Variants in LTBP4 observed in about 807,000 individuals in gnomAD.
The protein encoded by LTBP4 is latent-transforming growth factor beta-binding protein 4.
A neutral mutation model predicts 180.2 loss-of-function variants in LTBP4; 93 were observed. The observed-to-expected ratio is 0.52, with a 90% CI of 0.44 to 0.61. The LOEUF (loss-of-function observed/expected upper bound fraction) is 0.61, where lower values mean the gene tolerates loss of function less well. LTBP4 is among the 20% of genes least tolerant of loss of function. The pLI is 0.00. For missense variants in LTBP4, 2,116 were observed against 2,256.5 expected, an observed-to-expected ratio of 0.94 and a Z score of 1.26; for synonymous variants, 947 against 934.5, an observed-to-expected ratio of 1.01 and a Z score of -0.24.
chr19:40,625,271 TA>T (rs1568414286), intron 26 of LTBP4, among the ~76,000 whole-genome samples: 147 of 5,842 alleles, frequency 0.025, 34 homozygotes, highest in Admixed American at 0.039. Flanking sequence ...TATATATATA[TA>T]TATATATATA....
chr19:40,622,609 T>A lies in LTBP4; in HGVS notation c.3426T>A (p.Thr1142=). 6.2e-7 allele frequency: 1 copy of A among 1,612,590 alleles called. No individual in the cohort carries two copies. The highest frequency in any genetic ancestry group is 8.5e-7 in the Non-Finnish European group (1 of 1,179,284). ...RNVTWQECCC[T]VGEGWGSGCR... is the part of the protein sequence containing the mutation. ...TGACATGGCAGGAGTGCTGCTGTAC[T>A]GTGGGTGAGGGCTGGGGCAGCGGCT... The change falls in exon 23 of 30, where the codon ACT becomes ACA. Residue 1142 remains threonine, a synonymous_variant. Transcript: ENST00000396819. This position sits in a 1 kb window ranked among gnomAD's most constrained non-coding sequence, Gnocchi z 5.1.
rs958238783 is a variant in LTBP4 at position 40,629,513 on chromosome 19, A to G, written c.4637A>G (p.Gln1546Arg). 4.4e-6 allele frequency: 7 copies of G among 1,595,854 alleles called. No individual in the cohort carries two copies. Among genetic ancestry groups the G allele is most frequent in the East Asian group, 4.5e-5 (2 of 44,132 alleles). ...CGCCCGGGATTCGCACCCACGCACC[A>G]GCCGCACCACTGTGCGCCCGCACGG... The part of the protein sequence containing the change: ...ICRPGFAPTH[Q>R]PHHCAPARPR... Residue 1546 changes from glutamine (Q) to arginine (R), a missense_variant, in exon 30 of 30, where the codon CAG (glutamine) becomes CGG (arginine). Gln to Arg is a conservative substitution (Grantham distance 43). This residue lies in a region of LTBP4 where 488 missense variants were observed against 458.8 expected (regional missense o/e 1.06). Coordinates refer to ENST00000396819, the MANE Select transcript of LTBP4 (RefSeq NM_001042545.2). The surrounding 1 kb of genome is among the most constrained non-coding windows in gnomAD (Gnocchi z 4.5).
At position 40,605,901 on chromosome 19, in the gene LTBP4, C is replaced by T; in HGVS notation, c.793+70C>T. On this transcript the variant is annotated intron_variant, in intron 4 of 29. Transcript: ENST00000396819. The surrounding 1 kb of genome is among the most constrained non-coding windows in gnomAD (Gnocchi z 5.5). ...TGACAACCTCACCGTTCCTCCTACT[C>T]TGCCCTAGATAAACCCAGTTCACAA... 6.8e-7 allele frequency: 1 copy of T among 1,469,362 alleles called. No individual in the cohort carries two copies. The highest frequency in any genetic ancestry group is 9.2e-7 in the Non-Finnish European group (1 of 1,092,790). 91.0% of individuals were successfully genotyped at this position (1,469,362 alleles called of 1,614,324 possible). A position where few individuals can be genotyped will look rare whatever the true frequency, so the allele number is the denominator to read the frequency against.
chr19:40,602,234 C>G (rs2081429675), intron 1 of LTBP4, among the ~76,000 whole-genome samples: 1 of 149,702 alleles, frequency 6.7e-6, no homozygotes, highest in Non-Finnish European at 1.5e-5. Flanking sequence ...TTGCAGGGGT[C>G]CCACGTGCGA....
intron 19 of LTBP4, among the ~76,000 whole-genome samples, chr19:40,616,587 G>C (rs566104758): frequency 6.6e-4 from 100 of 152,280 alleles, no homozygotes; most frequent in African/African-American, 2.3e-3. Flanking sequence ...ACAAAAATTA[G>C]CTAGGCATGA....
chr19:40,625,279 TATATATATATATATATATATATATA>T lies in LTBP4; in HGVS notation c.3833-577_3833-553del, dbSNP rs2081619618. ...ATATATATATATATATATATATATA[TATATATATATATATATATATATATA>T]TATATATATATATTTTTTTTTTTAA... On this transcript the variant is annotated intron_variant, in intron 26 of 29. Coordinates refer to ENST00000396819, the MANE Select transcript of LTBP4 (RefSeq NM_001042545.2). 3.1e-3 allele frequency among the ~76,000 whole-genome samples: 30 copies of T among 9,642 alleles called. 3 individuals are homozygous for T. The highest frequency in any genetic ancestry group is 0.013 in the East Asian group (5 of 372). The allele number at this position is 9,642 out of a possible 152,430, so 6.3% of individuals were successfully genotyped here. A position where few individuals can be genotyped will look rare whatever the true frequency, so the allele number is the denominator to read the frequency against.
chr19:40,606,265 C>G lies in LTBP4; in HGVS notation c.826C>G (p.Pro276Ala). 6.3e-7 allele frequency: 1 copy of G among 1,598,786 alleles called. No homozygotes were observed. The highest frequency in any genetic ancestry group is 8.5e-7 in the Non-Finnish European group (1 of 1,172,646). The change falls in exon 5 of 30, where the codon CCT becomes GCT. Residue 276 changes from proline (P) to alanine (A), a missense_variant. This residue lies in a region of LTBP4 where 469 missense variants were observed against 532.5 expected (regional missense o/e 0.88). Coordinates refer to ENST00000396819, the MANE Select transcript of LTBP4 (RefSeq NM_001042545.2). ...NSERVSAPDGPCPTGFERVNG... is the reference protein window; with the variant it reads ...NSERVSAPDGACPTGFERVNG... The stretch of plus-strand genomic sequence containing the variant: ...CGAAAGAGTGAGCGCCCCAGATGGA[C>G]CTTGTCCAACCGGCTTTGAAAGAGT...
At chr19:40,593,836 C>G (rs757421884) in intron 1 of LTBP4, among the ~76,000 whole-genome samples, 1 of 151,692 alleles carries the variant, frequency 6.6e-6, no homozygotes, top group Non-Finnish European at 1.5e-5. Context: ...CTCTGTTGCC[C>G]GGGTTGGAGT....
Position 40,611,279 on chromosome 19 carries a change from G to T in LTBP4, c.1938G>T (p.Glu646Asp). The change falls in exon 13 of 30, where the codon GAG (glutamate) becomes GAT (aspartate). Residue 646 changes from glutamate to aspartate, a missense_variant. Coordinates refer to ENST00000396819, the MANE Select transcript of LTBP4 (RefSeq NM_001042545.2). This position sits in a 1 kb window ranked among gnomAD's most constrained non-coding sequence, Gnocchi z 4.4. Reference sequence around the variant, plus strand: ...CGGCGTGTGAAGAGGATGTGGATGAGTGTGCCCAGGAGCCGCCGCCCTGTG... The same window carrying T: ...CGGCGTGTGAAGAGGATGTGGATGATTGTGCCCAGGAGCCGCCGCCCTGTG... ...RGSACEEDVD[E>D]CAQEPPPCGP... 6.2e-7 allele frequency: 1 copy of T among 1,612,302 alleles called. No individual in the cohort carries two copies. Among genetic ancestry groups the T allele is most frequent in the Admixed American group, 1.7e-5 (1 of 59,712 alleles).
chr19:40,595,657 G>T (rs1321736313), intron 1 of LTBP4, among the ~76,000 whole-genome samples: 1 of 152,158 alleles, frequency 6.6e-6, no homozygotes, highest in East Asian at 1.9e-4. Flanking sequence ...CCTGTGGCTT[G>T]CAGCTCCTAG....
At chr19:40,619,958 G>C (rs77672669) in intron 22 of LTBP4, among the ~76,000 whole-genome samples, 8,506 of 152,244 alleles carry the variant, frequency 0.056, 714 homozygotes, top group African/African-American at 0.18. Context: ...CATCTGAACT[G>C]AGAGCTGTGG....
chr19:40,594,128 G>A (rs192449414), intron 1 of LTBP4, among the ~76,000 whole-genome samples: 6 of 151,814 alleles, frequency 4.0e-5, no homozygotes, highest in Admixed American at 3.3e-4. Flanking sequence ...AGAGAGAGAG[G>A]GAGAGAGAGA....
chr19:40,627,289 C>T lies in LTBP4; in HGVS notation c.4300C>T (p.Arg1434Trp), dbSNP rs1241555883. The T allele has an allele frequency of 4.6e-6, 7 of 1,514,096 alleles. No homozygotes were observed. In the Admixed American group the frequency reaches 6.0e-5, roughly 13 times the overall value. 93.8% of individuals were successfully genotyped at this position (1,514,096 alleles called of 1,614,324 possible). A position where few individuals can be genotyped will look rare whatever the true frequency, so the allele number is the denominator to read the frequency against. The change falls in exon 28 of 30, where the codon CGG (arginine) becomes TGG (tryptophan). Residue 1434 changes from arginine (R) to tryptophan (W), a missense_variant. Arg to Trp is a moderately radical substitution (Grantham distance 101). Transcript: ENST00000396819. ...TGGCCCGGGCACCCGCTGGCCCTAT[C>T]GGTCCCGGGACACCCGCCGCTCCTT... ...PPGPGTRWPY[R>W]SRDTRRSFPE...
In LTBP4 at chr19:40,611,063, G is replaced by A. The variant is rs570997432; in HGVS notation, c.1811-89G>A. The A allele has an allele frequency of 1.3e-6, 2 of 1,552,946 alleles. No individual in the cohort carries two copies. The highest frequency in any genetic ancestry group is 1.8e-6 in the Non-Finnish European group (2 of 1,132,974). On this transcript the variant is annotated intron_variant, in intron 12 of 29. Coordinates refer to ENST00000396819, the MANE Select transcript of LTBP4 (RefSeq NM_001042545.2). This position sits in a 1 kb window ranked among gnomAD's most constrained non-coding sequence, Gnocchi z 4.4. ...GGAGGAATAGAGATGGGGTCACGGG[G>A]ACAGAATGTTGGAGGGTGGAAAGCC...
chr19:40,627,412 G>C, intron 28 of LTBP4, 57 bp downstream of exon 28: 12 of 1,447,376 alleles, frequency 8.3e-6, no homozygotes, highest in Non-Finnish European at 9.0e-6. Flanking sequence ...TGCACGGAGA[G>C]AGGAGGGAGG....
rs900196752 is a variant in LTBP4, at chr19:40,611,785, C to A, written c.2054-74C>A. 1 of 1,532,114 alleles carries A rather than the reference C, an allele frequency of 6.5e-7. No individual in the cohort carries two copies. Among genetic ancestry groups the A allele is most frequent in the Non-Finnish European group, 8.8e-7 (1 of 1,133,488 alleles). The allele number at this position is 1,532,114 out of a possible 1,614,324, so 94.9% of individuals were successfully genotyped here. A position where few individuals can be genotyped will look rare whatever the true frequency, so the allele number is the denominator to read the frequency against. ...AGAAGGCAGGCTCAAGACTGGAATG[C>A]TGGGGTGGGTGGTGATGGCCATGGG... On this transcript the variant is annotated intron_variant, in intron 13 of 29. Transcript: ENST00000396819. This position sits in a 1 kb window ranked among gnomAD's most constrained non-coding sequence, Gnocchi z 4.4.
chr19:40,626,994 C>A lies in LTBP4; in HGVS notation c.4005C>A (p.Cys1335Ter). ...TCCCAGATGACTTCGAGGCCCTGTG[C>A]AATGTGCTACGCCCCCCCGCATATA... Reference protein sequence around the residue: ...AQDSDDFEALCNVLRPPAYSP... With the variant: ...AQDSDDFEAL Residue 1335 changes from cysteine (C) to a stop codon, truncating the protein, a stop_gained, in exon 28 of 30, where the codon TGC becomes TGA. Coordinates refer to ENST00000396819, the MANE Select transcript of LTBP4 (RefSeq NM_001042545.2). LOFTEE classifies it high-confidence loss of function. The A allele has an allele frequency of 6.4e-7, 1 of 1,573,870 alleles. No homozygotes were observed. The highest frequency in any genetic ancestry group is 8.6e-7 in the Non-Finnish European group (1 of 1,156,266).
At chr19:40,616,289 A>G (rs2081548115) in intron 19 of LTBP4, among the ~76,000 whole-genome samples, 1 of 132,232 alleles carries the variant, frequency 7.6e-6, no homozygotes, top group Non-Finnish European at 1.6e-5. Flanking sequence ...GCAAGACCCC[A>G]TTTAAAAAAA....
chr19:40,609,764 G>A lies in LTBP4; in HGVS notation c.1577G>A (p.Arg526His). The change falls in exon 11 of 30, where the codon CGC becomes CAC. Residue 526 changes from arginine to histidine, a missense_variant. Around this residue, in one of 5 missense-constraint regions of LTBP4, gnomAD observed 877 missense variants for 873.6 expected, o/e 1.00. Coordinates refer to ENST00000396819, the MANE Select transcript of LTBP4 (RefSeq NM_001042545.2). The surrounding 1 kb of genome is among the most constrained non-coding windows in gnomAD (Gnocchi z 4.9). The stretch of plus-strand genomic sequence containing the variant: ...TCCTCAGATGTGGACGAATGTCGCC[G>A]CGTGCCCCCGCCCTGTGCTCCCGGG... ...TRCIDVDECRRVPPPCAPGRC... is the reference protein window; with the variant it reads ...TRCIDVDECRHVPPPCAPGRC... 1.9e-6 allele frequency: 3 copies of A among 1,611,892 alleles called. No homozygotes were observed. Among genetic ancestry groups the A allele is most frequent in the Non-Finnish European group, 2.5e-6 (3 of 1,178,850 alleles).
Sources: allele counts gnomAD v4.1 joint callset (sites outside exome capture counted in the v4.1 genomes callset), GRCh38; gene constraint gnomAD v4.1.1; regional missense constraint gnomAD v4.1.1; non-coding constraint Gnocchi (gnomAD v3.1); transcripts MANE v1.5; gene names NCBI Gene and HGNC (gene_info 2026-07-23, HGNC 2026-07-21).